Variants in ASIC2 observed in about 807,000 individuals in gnomAD.
The protein encoded by ASIC2 is acid-sensing ion channel 2.
A neutral mutation model predicts 57.3 loss-of-function variants in ASIC2; 25 were observed. The ratio of observed to expected loss-of-function variants is 0.44; its 90% CI spans 0.32 to 0.61. The LOEUF (loss-of-function observed/expected upper bound fraction) is 0.61, where lower values mean the gene tolerates loss of function less well. ASIC2 is among the 20% of genes least tolerant of loss of function. The pLI is 0.06. For missense variants in ASIC2, 641 were observed against 738.1 expected, an observed-to-expected ratio of 0.87 and a Z score of 1.52; for synonymous variants, 319 against 307.5, an observed-to-expected ratio of 1.04 and a Z score of -0.39.
intron 1 of ASIC2, among the ~76,000 whole-genome samples, chr17:33,339,718 A>G (rs1907653837): frequency 6.6e-6 from 1 of 152,104 alleles, no homozygotes; most frequent in African/African-American, 2.4e-5. Context: ...CCTCTTTCTG[A>G]CCTTGCACAA....
At chr17:33,586,806 A>T (rs1904652776) in intron 1 of ASIC2, among the ~76,000 whole-genome samples, 1 of 152,154 alleles carries the variant, frequency 6.6e-6, no homozygotes, top group African/African-American at 2.4e-5. Flanking sequence ...ACATCATGCT[A>T]CTTACATCCA....
intron 1 of ASIC2, among the ~76,000 whole-genome samples, chr17:33,641,589 T>C (rs1209835364): frequency 6.6e-6 from 1 of 152,232 alleles, no homozygotes; most frequent in Non-Finnish European, 1.5e-5. Context: ...AGATCATGTA[T>C]GGACACATGC....
At chr17:33,278,555 G>A (rs187213253) in intron 1 of ASIC2, among the ~76,000 whole-genome samples, 30 of 152,176 alleles carry the variant, frequency 2.0e-4, no homozygotes, top group African/African-American at 7.2e-4. Context: ...GGTTTGGAGT[G>A]AGGGATTTTT....
chr17:33,206,472 G>A (rs1907065169), intron 1 of ASIC2, among the ~76,000 whole-genome samples: 1 of 152,184 alleles, frequency 6.6e-6, no homozygotes, highest in South Asian at 2.1e-4. Flanking sequence ...TTTGAACCAA[G>A]GTCAACCCAA....
chr17:33,339,052 A>C (rs1010958229), intron 1 of ASIC2, among the ~76,000 whole-genome samples: 1 of 152,218 alleles, frequency 6.6e-6, no homozygotes, highest in Non-Finnish European at 1.5e-5. Flanking sequence ...ATAAATGGTC[A>C]AGATGGTAAA....
At chr17:34,144,510 GTAA>G (rs755507150) in intron 1 of ASIC2, among the ~76,000 whole-genome samples, 9 of 152,208 alleles carry the variant, frequency 5.9e-5, no homozygotes, top group South Asian at 2.1e-4. Context: ...GCTCATCTTA[GTAA>G]TAATAATAGT....
At chr17:33,425,708 G>A (rs1911195386) in intron 1 of ASIC2, among the ~76,000 whole-genome samples, 1 of 152,156 alleles carries the variant, frequency 6.6e-6, no homozygotes, top group Non-Finnish European at 1.5e-5. Context: ...TCTGGAAGGG[G>A]ATAGACCAGT....
chr17:33,600,620 A>AT lies in ASIC2; in HGVS notation c.556-488554dup, dbSNP rs534529538. The stretch of plus-strand genomic sequence containing the variant: ...TAACCCATTTATGCCTGAGGTGGCA[A>AT]TTTTTTTTAATTTTTGCAATCAGAC... On this transcript the variant is annotated intron_variant, in intron 1 of 9. Coordinates refer to the ASIC2 transcript ENST00000359872. Among the ~76,000 whole-genome samples the AT allele has an allele frequency of 2.6e-3, 391 of 152,096 alleles. 4 individuals are homozygous for AT. The highest frequency in any genetic ancestry group is 7.6e-3 in the African/African-American group (317 of 41,512).
chr17:34,140,163 A>G (rs4794989), intron 1 of ASIC2, among the ~76,000 whole-genome samples: 115,314 of 152,116 alleles, frequency 0.76, 43,818 homozygotes, highest in South Asian at 0.85. Context: ...GCGAAGGAGA[A>G]GAGGGCATCC....
Position 34,105,742 on chromosome 17 carries a change from C to A in ASIC2, c.555+50236G>T, listed in dbSNP as rs1024510688. Among the ~76,000 whole-genome samples the A allele has an allele frequency of 2.6e-5, 4 of 152,094 alleles. No homozygotes were observed. The South Asian group carries it at 8.3e-4, about 32-fold the overall frequency. ...TTAATATTTCTTGACATTTCAAGTTCTCTCTTGCTCGTTCTTACTATGTAT... is the reference window on the plus strand; with the variant it reads ...TTAATATTTCTTGACATTTCAAGTTATCTCTTGCTCGTTCTTACTATGTAT... On this transcript the variant is annotated intron_variant, in intron 1 of 9. Transcript: ENST00000359872.
intron 1 of ASIC2, among the ~76,000 whole-genome samples, chr17:33,880,438 C>A (rs946403071): frequency 6.6e-6 from 1 of 152,120 alleles, no homozygotes; most frequent in African/African-American, 2.4e-5. Context: ...ACCACTGATC[C>A]CGCAGAAATA....
At chr17:33,270,151 A>C (rs1316566904) in intron 1 of ASIC2, among the ~76,000 whole-genome samples, 2 of 152,242 alleles carry the variant, frequency 1.3e-5, no homozygotes, top group Non-Finnish European at 2.9e-5. Context: ...TTGGTTAAAA[A>C]TTAATAGCTT....
At chr17:33,800,427 C>T (rs371067149) in intron 1 of ASIC2, among the ~76,000 whole-genome samples, 3 of 152,064 alleles carry the variant, frequency 2.0e-5, no homozygotes, top group Non-Finnish European at 2.9e-5. Flanking sequence ...TTGGTGTGTA[C>T]GAATTCCCAA....
intron 1 of ASIC2, chr17:34,004,540 T>C (rs1285386590): frequency 6.6e-6 from 1 of 152,240 alleles, no homozygotes; most frequent in Non-Finnish European, 1.5e-5. Context: ...TGCTGTAGAA[T>C]AGACATGAGC....
intron 1 of ASIC2, among the ~76,000 whole-genome samples, chr17:33,864,428 T>A (rs779509772): frequency 2.6e-5 from 4 of 152,090 alleles, no homozygotes; most frequent in Non-Finnish European, 5.9e-5. Context: ...ATTTGGCAGG[T>A]GAAACAGGGG....
chr17:33,499,856 G>A (rs974975257), intron 1 of ASIC2, among the ~76,000 whole-genome samples: 3 of 152,174 alleles, frequency 2.0e-5, no homozygotes, highest in Non-Finnish European at 2.9e-5. Context: ...AAGCATTGCC[G>A]AGACGGAGAG....
intron 1 of ASIC2, among the ~76,000 whole-genome samples, chr17:33,700,763 GAC>G (rs1448740473): frequency 6.6e-6 from 1 of 152,200 alleles, no homozygotes; most frequent in Non-Finnish European, 1.5e-5. Context: ...GTTCCCTTCA[GAC>G]ACAGCGCTTT....
chr17:33,599,144 C>A (rs1427138873), intron 1 of ASIC2, among the ~76,000 whole-genome samples: 1 of 152,218 alleles, frequency 6.6e-6, no homozygotes, highest in Non-Finnish European at 1.5e-5. Flanking sequence ...TCAGTAAGAT[C>A]ATGCTTTGAG....
intron 1 of ASIC2, among the ~76,000 whole-genome samples, chr17:33,629,390 C>T (rs1906091045): frequency 6.6e-6 from 1 of 152,176 alleles, no homozygotes; most frequent in African/African-American, 2.4e-5. Flanking sequence ...TTAATCAATT[C>T]CCAGATCAAT....
Sources: gnomAD v4.1 joint callset for allele counts (sites outside exome capture counted in the v4.1 genomes callset) on GRCh38, gnomAD v4.1.1 for gene constraint, MANE v1.5 for transcripts, NCBI Gene and HGNC (gene_info 2026-07-23, HGNC 2026-07-21) for gene names.